ZNF69: variants seen among roughly 807,000 people sequenced by gnomAD.
ZNF69 encodes ZNF3.
In ZNF69, 47 loss-of-function variants were observed where a neutral mutation model predicts 50.9. That is an observed-to-expected ratio of 0.92 (90% confidence interval 0.73 to 1.18). The LOEUF (loss-of-function observed/expected upper bound fraction) is 1.18. ZNF69 is among the 50% of genes most tolerant of loss of function. The probability of loss-of-function intolerance (pLI) is 0.00; values close to 1 mark genes in which losing one functional copy is unlikely to be tolerated. For missense variants in ZNF69, 717 were observed against 675.1 expected, an observed-to-expected ratio of 1.06 and a Z score of -0.69; for synonymous variants, 216 against 223.1, an observed-to-expected ratio of 0.97 and a Z score of 0.29.
the ZNF69 span, among the ~76,000 whole-genome samples, chr19:11,973,891 C>T: frequency 2.6e-5 from 4 of 152,024 alleles, no homozygotes; most frequent in African/African-American, 9.7e-5. Flanking sequence ...TGCTTATTTT[C>T]TTCAGAGCTC....
At chr19:11,923,859 C>A in the ZNF69 span, among the ~76,000 whole-genome samples, 1 of 152,174 alleles carries the variant, frequency 6.6e-6, no homozygotes, top group Non-Finnish European at 1.5e-5. Context: ...ACGTTGAGGA[C>A]AGTCTCTGCA....
chr19:11,929,938 A>G, the ZNF69 span, among the ~76,000 whole-genome samples: 1 of 148,240 alleles, frequency 6.7e-6, no homozygotes, highest in African/African-American at 2.6e-5. Context: ...TCCTTTATGG[A>G]AACTTTGCAG....
chr19:11,957,090 AGTTT>A, the ZNF69 span, among the ~76,000 whole-genome samples: 2 of 138,940 alleles, frequency 1.4e-5, no homozygotes, highest in Admixed American at 7.2e-5. Flanking sequence ...GTAAGAAATA[AGTTT>A]TTTTTTTTTT....
chr19:11,969,767 A>G, the ZNF69 span, among the ~76,000 whole-genome samples: 56 of 152,328 alleles, frequency 3.7e-4, no homozygotes, highest in Admixed American at 3.1e-3. Context: ...AGAGGAAAGC[A>G]GAGAATAACC....
At chr19:11,979,943 C>G in the ZNF69 span, 2 of 1,288,662 alleles carry the variant, frequency 1.6e-6, no homozygotes, top group Non-Finnish European at 2.2e-6. Flanking sequence ...CAAGTCATTT[C>G]AAATACCTGA....
chr19:11,950,512 AC>A, the ZNF69 span: 1 of 638,906 alleles, frequency 1.6e-6, no homozygotes. Flanking sequence ...GAAAGGACTT[AC>A]ACTGGAGTGA....
At chr19:11,932,394 G>A in the ZNF69 span, among the ~76,000 whole-genome samples, 1 of 148,230 alleles carries the variant, frequency 6.7e-6, no homozygotes, top group South Asian at 2.1e-4. Context: ...CTATGCTGTT[G>A]TTGCTGATAA....
At chr19:11,942,336 G>A in the ZNF69 span, among the ~76,000 whole-genome samples, 1 of 151,742 alleles carries the variant, frequency 6.6e-6, no homozygotes, top group South Asian at 2.1e-4. Context: ...ACAGCCTCAG[G>A]ACTGCTAATG....
chr19:11,978,813 C>A, the ZNF69 span: 1 of 1,613,978 alleles, frequency 6.2e-7, no homozygotes, highest in African/African-American at 1.3e-5. Context: ...CAGTTGGTGT[C>A]ATTCCTTTCA....
chr19:11,911,961 G>A (rs1158895885), intron 4 of ZNF69, among the ~76,000 whole-genome samples: 2 of 151,820 alleles, frequency 1.3e-5, no homozygotes, highest in African/African-American at 4.9e-5. Flanking sequence ...TAAGCAATGT[G>A]GTAAAGCCTT....
chr19:11,898,143 G>T (rs893447913), intron 1 of ZNF69, among the ~76,000 whole-genome samples: 1 of 151,902 alleles, frequency 6.6e-6, no homozygotes, highest in Non-Finnish European at 1.5e-5. Context: ...CACAACCTGG[G>T]TATGCATCCT....
At chr19:11,894,372 C>T (rs1977171950) in intron 1 of ZNF69, among the ~76,000 whole-genome samples, 1 of 152,144 alleles carries the variant, frequency 6.6e-6, no homozygotes, top group Non-Finnish European at 1.5e-5. Context: ...TATCTCCTGA[C>T]CTCGTGATCC....
chr19:11,888,045 A>T, intron 1 of ZNF69, 59 bp downstream of exon 1: 1 of 1,542,858 alleles, frequency 6.5e-7, no homozygotes, highest in Non-Finnish European at 8.9e-7. Context: ...ACCGACCGGA[A>T]CCGACTGTGG....
chr19:11,904,284 C>CTGAG (rs1417379784), intron 3 of ZNF69, among the ~76,000 whole-genome samples: 2 of 152,188 alleles, frequency 1.3e-5, no homozygotes, highest in African/African-American at 2.4e-5. Context: ...ACTCAGGAGG[C>CTGAG]TGAGGCAGGA....
At chr19:11,937,635 C>A in the ZNF69 span, among the ~76,000 whole-genome samples, 1 of 151,758 alleles carries the variant, frequency 6.6e-6, no homozygotes, top group South Asian at 2.1e-4. Context: ...ACTACAGGTG[C>A]CTACCACCAC....
the ZNF69 span, among the ~76,000 whole-genome samples, chr19:11,954,623 G>C: frequency 6.6e-6 from 1 of 152,088 alleles, no homozygotes; most frequent in African/African-American, 2.4e-5. Context: ...TTGAGCCCAG[G>C]AGCTCAAGAC....
downstream of ZNF69, among the ~76,000 whole-genome samples, chr19:11,907,815 C>A (rs1339625027): frequency 6.6e-6 from 1 of 152,188 alleles, no homozygotes; most frequent in Non-Finnish European, 1.5e-5. Flanking sequence ...CAAATTCACA[C>A]ATAACAATAT....
chr19:11,960,449 C>T, the ZNF69 span, among the ~76,000 whole-genome samples: 1 of 152,130 alleles, frequency 6.6e-6, no homozygotes, highest in Admixed American at 6.6e-5. Flanking sequence ...CAGCTTTCTG[C>T]CCAGATAATT....
the ZNF69 span, among the ~76,000 whole-genome samples, chr19:11,919,466 A>G: frequency 6.6e-6 from 1 of 151,902 alleles, no homozygotes; most frequent in Admixed American, 6.6e-5. Flanking sequence ...TCCTCAAAAT[A>G]TATACTTGGA....
Sources: gnomAD v4.1 joint callset for allele counts (sites outside exome capture counted in the v4.1 genomes callset) on GRCh38, gnomAD v4.1.1 for gene constraint, MANE v1.5 for transcripts, NCBI Gene and HGNC (gene_info 2026-07-23, HGNC 2026-07-21) for gene names.